The following PLCXD3 variants were observed in gnomAD, a reference collection of about 807,000 sequenced individuals.
PLCXD3 encodes phosphatidylinositol specific phospholipase C X domain containing 3, also known as PI-PLC X domain-containing protein 3.
PLCXD3 carries 19 observed loss-of-function variants against 25.5 expected under a neutral mutation model. The ratio of observed to expected loss-of-function variants is 0.75; its 90% CI spans 0.52 to 1.09. PLCXD3 has a LOEUF of 1.09. PLCXD3 is among the 50% of genes least tolerant of loss of function. The pLI is 0.00. For missense variants in PLCXD3, 411 were observed against 388.1 expected, an observed-to-expected ratio of 1.06 and a Z score of -0.50; for synonymous variants, 174 against 137.6, an observed-to-expected ratio of 1.26 and a Z score of -1.85.
chr5:41,369,539 G>A (rs1271592329), intron 2 of PLCXD3, among the ~76,000 whole-genome samples: 1 of 152,086 alleles, frequency 6.6e-6, no homozygotes, highest in Non-Finnish European at 1.5e-5. Context: ...GGAGTACAGA[G>A]GCTCCATCAG....
At chr5:41,453,201 C>T (rs189507167) in intron 1 of PLCXD3, among the ~76,000 whole-genome samples, 4 of 151,966 alleles carry the variant, frequency 2.6e-5, no homozygotes, top group Admixed American at 2.6e-4. Flanking sequence ...TTCTATTCTT[C>T]TCCTTCCATG....
At chr5:41,454,155 G>A (rs1747699228) in intron 1 of PLCXD3, among the ~76,000 whole-genome samples, 1 of 151,896 alleles carries the variant, frequency 6.6e-6, no homozygotes, top group African/African-American at 2.4e-5. Flanking sequence ...ACCTCAGAAT[G>A]TTATCCTTAT....
At chr5:41,456,536 T>C in intron 1 of PLCXD3, 2 of 935,514 alleles carry the variant, frequency 2.1e-6, no homozygotes, top group Non-Finnish European at 1.3e-6. Context: ...GTTCTTAATC[T>C]CTAGACTTAC....
rs755752304 is a variant in PLCXD3, at chr5:41,382,075, T to A, written c.563A>T (p.Asp188Val). ...ATGGTAGAAGACCAGCACTTGATAG[T>A]CCTTCTCCCACAGGTACTTTAAACT... Reference protein sequence around the residue: ...EVSLKYLWEKDYQVLVFYHSP... With the variant: ...EVSLKYLWEKVYQVLVFYHSP... The change falls in exon 2 of 3, where the codon GAC becomes GTC. Residue 188 changes from aspartate (D) to valine (V), a missense_variant. Physicochemically the swap from Asp to Val is radical, Grantham distance 152 (BLOSUM62 -3). Coordinates refer to ENST00000377801, the MANE Select transcript of PLCXD3 (RefSeq NM_001005473.3). 1 of 1,613,706 alleles carries A rather than the reference T, an allele frequency of 6.2e-7. No homozygotes were observed. The highest frequency in any genetic ancestry group is 8.5e-7 in the Non-Finnish European group (1 of 1,179,758).
At chr5:41,377,039 C>CA (rs1178977776) in intron 2 of PLCXD3, among the ~76,000 whole-genome samples, 1 of 152,060 alleles carries the variant, frequency 6.6e-6, no homozygotes, top group Non-Finnish European at 1.5e-5. Flanking sequence ...TGAGATCAGT[C>CA]ACTTGAACTA....
intron 1 of PLCXD3, among the ~76,000 whole-genome samples, chr5:41,460,854 TGTGAA>T (rs1747856914): frequency 6.6e-6 from 1 of 151,998 alleles, no homozygotes; most frequent in African/African-American, 2.4e-5. Flanking sequence ...GTTTGGGAAT[TGTGAA>T]TTTTTTTTCT....
chr5:41,339,483 T>C lies in PLCXD3; in HGVS notation c.813-25713A>G, dbSNP rs7715750. Among the ~76,000 whole-genome samples, 1,396 of 151,926 alleles carry C rather than the reference T, an allele frequency of 9.2e-3. 16 individuals are homozygous for C. Among genetic ancestry groups the C allele is most frequent in the African/African-American group, 0.03 (1,259 of 41,428 alleles). On this transcript the variant is annotated intron_variant, in intron 2 of 2. Coordinates refer to ENST00000377801, the MANE Select transcript of PLCXD3 (RefSeq NM_001005473.3). ...TTTTCAAAAATTGGAATCACTGACG[T>C]ATGTGAATAGTTGGTCATGTAAATT... is the stretch of plus-strand genomic sequence containing the variant.
At chr5:41,381,371 A>G (rs1192793470) in intron 2 of PLCXD3, among the ~76,000 whole-genome samples, 1 of 152,148 alleles carries the variant, frequency 6.6e-6, no homozygotes, top group Non-Finnish European at 1.5e-5. Context: ...CATTATTTGG[A>G]AATTGGTTCC....
rs574816435 is a variant in PLCXD3, at chr5:41,493,411, C to T, written c.103+17013G>A. Among the ~76,000 whole-genome samples the T allele has an allele frequency of 1.1e-3, 166 of 152,330 alleles. 1 individual carries two copies. The Middle Eastern group carries it at 0.034, about 31-fold the overall frequency. On this transcript the variant is annotated intron_variant, in intron 1 of 2. Transcript: ENST00000377801. ...GGGACCCACTTGAGGAGGCAGTCTG[C>T]CCGTTCTCAGATCTCCAGCTGCATA...
chr5:41,435,565 C>A (rs1287108617), intron 1 of PLCXD3, among the ~76,000 whole-genome samples: 1 of 152,152 alleles, frequency 6.6e-6, no homozygotes, highest in Non-Finnish European at 1.5e-5. Context: ...TTGCCCTGAG[C>A]AATCTTGGAA....
chr5:41,323,555 A>G (rs1369907667), intron 2 of PLCXD3, among the ~76,000 whole-genome samples: 1 of 152,208 alleles, frequency 6.6e-6, no homozygotes, highest in Non-Finnish European at 1.5e-5. Context: ...GAAAACTGTT[A>G]GCTAGGGGAA....
chr5:41,422,389 T>C (rs1303912508), intron 1 of PLCXD3, among the ~76,000 whole-genome samples: 1 of 152,190 alleles, frequency 6.6e-6, no homozygotes, highest in Non-Finnish European at 1.5e-5. Context: ...CAAGGCTCTG[T>C]AGCCTTGGGA....
rs367620160 is a variant in PLCXD3, at chr5:41,509,170, G to GTT, written c.103+1252_103+1253dup. Reference sequence around the variant, plus strand: ...CCCTTCTTTTGTTTTTGTTTTTGTTGTTTTTTTCTTTATTATGTTTTCCTC... The same window carrying GTT: ...CCCTTCTTTTGTTTTTGTTTTTGTTGTTTTTTTTTCTTTATTATGTTTTCCTC... On this transcript the variant is annotated intron_variant, in intron 1 of 2. Coordinates refer to ENST00000377801, the MANE Select transcript of PLCXD3 (RefSeq NM_001005473.3). 4.8e-3 allele frequency among the ~76,000 whole-genome samples: 735 copies of GTT among 152,204 alleles called. 3 individuals are homozygous for GTT. The highest frequency in any genetic ancestry group is 0.016 in the African/African-American group (657 of 41,538).
At chr5:41,327,103 C>T (rs1269977393) in intron 2 of PLCXD3, among the ~76,000 whole-genome samples, 1 of 152,052 alleles carries the variant, frequency 6.6e-6, no homozygotes, top group Non-Finnish European at 1.5e-5. Context: ...CATGCCTAGG[C>T]CCTCTTAAGA....
Position 41,313,720 on chromosome 5 carries a change from C to T in PLCXD3, c.863G>A (p.Ser288Asn), listed in dbSNP as rs749603818. ...ATCGGCAGTGACAATATTGATGCCA[C>T]TCTCTCCTGGCTTCTGCGTGCGGAC... The part of the protein sequence containing the change: ...QWVRTQKPGE[S>N]GINIVTADFV... Residue 288 changes from serine to asparagine, a missense_variant, in exon 3 of 3, where the codon AGT (serine) becomes AAT (asparagine). By Grantham distance (46) the Ser-to-Asn change is conservative. Coordinates refer to ENST00000377801, the MANE Select transcript of PLCXD3 (RefSeq NM_001005473.3). 6.2e-7 allele frequency: 1 copy of T among 1,613,658 alleles called. No individual in the cohort carries two copies. The highest frequency in any genetic ancestry group is 8.5e-7 in the Non-Finnish European group (1 of 1,179,732).
intron 1 of PLCXD3, among the ~76,000 whole-genome samples, chr5:41,490,851 G>C (rs1282597788): frequency 1.3e-5 from 2 of 152,154 alleles, no homozygotes; most frequent in Admixed American, 6.5e-5. Context: ...CTTGCTAGAA[G>C]TCTATCAATT....
In PLCXD3 at chr5:41,326,720, A is replaced by G. The variant is rs566172400; in HGVS notation, c.813-12950T>C. Reference sequence around the variant, plus strand: ...TGAAGATCCTTTTTCTTTATGTTTTATGCCTCTTAAGCATAGTTCTGTGAG... The same window carrying G: ...TGAAGATCCTTTTTCTTTATGTTTTGTGCCTCTTAAGCATAGTTCTGTGAG... On this transcript the variant is annotated intron_variant, in intron 2 of 2. Coordinates refer to ENST00000377801, the MANE Select transcript of PLCXD3 (RefSeq NM_001005473.3). 5.9e-5 allele frequency among the ~76,000 whole-genome samples: 9 copies of G among 152,128 alleles called. No individual in the cohort carries two copies. The South Asian group carries it at 1.7e-3, about 28-fold the overall frequency.
At chr5:41,332,040 C>T (rs182945761) in intron 2 of PLCXD3, among the ~76,000 whole-genome samples, 15 of 152,278 alleles carry the variant, frequency 9.9e-5, no homozygotes, top group Admixed American at 2.6e-4. Context: ...TGAGCAAGGA[C>T]TTCATGTCTA....
At chr5:41,369,495 T>C (rs1745030935) in intron 2 of PLCXD3, among the ~76,000 whole-genome samples, 1 of 152,176 alleles carries the variant, frequency 6.6e-6, no homozygotes, top group South Asian at 2.1e-4. Context: ...TGGTTGTTTT[T>C]TCTTAGACAG....
Sources: allele counts gnomAD v4.1 joint callset (sites outside exome capture counted in the v4.1 genomes callset), GRCh38; gene constraint gnomAD v4.1.1; transcripts MANE v1.5; gene names NCBI Gene and HGNC (gene_info 2026-07-23, HGNC 2026-07-21).